CFAP46: variants seen among roughly 807,000 people sequenced by gnomAD.
CFAP46 encodes cilia and flagella associated protein 46, also known as cilia- and flagella-associated protein 46.
In CFAP46, 245 loss-of-function variants were observed where a neutral mutation model predicts 325.7. The observed-to-expected ratio is 0.75, with a 90% CI of 0.68 to 0.84. The LOEUF (loss-of-function observed/expected upper bound fraction) is 0.84. Ranked by LOEUF, CFAP46 falls within the 40% of genes least tolerant of loss-of-function variation. CFAP46 has a pLI of 0.00. For synonymous variants in CFAP46, 1,523 were observed against 1,495.9 expected, an observed-to-expected ratio of 1.02 and a Z score of -0.42; for missense variants, 3,346 against 3,543.0, an observed-to-expected ratio of 0.94 and a Z score of 1.41.
At position 132,899,075 on chromosome 10, in the gene CFAP46, G is replaced by C. The variant is rs765721540; in HGVS notation, c.3103C>G (p.Arg1035Gly). Residue 1035 changes from arginine (R) to glycine (G), a missense_variant, in exon 24 of 58, where the codon CGG becomes GGG. Coordinates refer to ENST00000368586, the MANE Select transcript of CFAP46 (RefSeq NM_001200049.3). ...GSSALVMLAA[R>G]HYWNAWLPLL... ...GGGAGCCAGGCGTTCCAGTAATGCCGCGCGGCCAGCATCACCAGGGCGCTG... is the reference window on the plus strand; with the variant it reads ...GGGAGCCAGGCGTTCCAGTAATGCCCCGCGGCCAGCATCACCAGGGCGCTG... The C allele has an allele frequency of 1.5e-5, 23 of 1,550,444 alleles. No homozygotes were observed. Among genetic ancestry groups the C allele is most frequent in the Non-Finnish European group, 1.9e-5 (22 of 1,146,968 alleles).
intron 55 of CFAP46, among the ~76,000 whole-genome samples, chr10:132,812,090 G>A (rs1847591938): frequency 1.3e-5 from 2 of 152,208 alleles, no homozygotes; most frequent in Admixed American, 6.5e-5. Context: ...GGGTGGCCTC[G>A]GCACAAGGCT....
chr10:132,935,294 C>G (rs1849975970), intron 7 of CFAP46, among the ~76,000 whole-genome samples: 1 of 139,874 alleles, frequency 7.1e-6, no homozygotes, highest in African/African-American at 3.1e-5. Flanking sequence ...CTCCCCTGAG[C>G]ACCCAAACAC....
In CFAP46 at chr10:132,889,873, G is replaced by A. The variant is rs377382382; in HGVS notation, c.3304+2460C>T. On this transcript the variant is annotated intron_variant, in intron 25 of 57. Coordinates refer to ENST00000368586, the MANE Select transcript of CFAP46 (RefSeq NM_001200049.3). This position sits in a 1 kb window ranked among gnomAD's most constrained non-coding sequence, Gnocchi z 6.0. The stretch of plus-strand genomic sequence containing the variant: ...TCCCGCCTGATTAAAGTATTGATGC[G>A]GCCTGGACGCTAAGCATTTAGCTGC... Among the ~76,000 whole-genome samples the A allele has an allele frequency of 1.8e-4, 28 of 152,268 alleles. No homozygotes were observed. Among genetic ancestry groups the A allele is most frequent in the African/African-American group, 6.3e-4 (26 of 41,556 alleles).
chr10:132,922,429 C>T (rs1849738481), intron 12 of CFAP46, 51 bp downstream of exon 12: 4 of 1,498,802 alleles, frequency 2.7e-6, no homozygotes, highest in African/African-American at 1.4e-5. Flanking sequence ...CCGCCCCGGC[C>T]CCATGCTGGG....
chr10:132,912,550 TCTC>T (rs1219587595), intron 19 of CFAP46, 102 bp downstream of exon 19: 1 of 1,111,738 alleles, frequency 9.0e-7, no homozygotes, highest in African/African-American at 1.7e-5. Flanking sequence ...CCTCTCTCTC[TCTC>T]TTCACCTCTC....
rs1019559491 is a variant in CFAP46 at position 132,860,908 on chromosome 10, A to T, written c.4965T>A (p.Tyr1655Ter). The T allele has an allele frequency of 1.1e-5, 17 of 1,550,626 alleles. No homozygotes were observed. The highest frequency in any genetic ancestry group is 7.8e-5 in the Admixed American group (4 of 50,992). ...GTGCGATCATTTTCTTGGCTTGTCC[A>T]TAGTTTTTCTCCTTGTTGGCCAACT... ...LAQLANKEKN[Y>*]GQAKKMIAQA... is the part of the protein sequence containing the mutation. The change falls in exon 36 of 58, where the codon TAT becomes TAA. Residue 1655 changes from tyrosine to a stop codon, truncating the protein, a stop_gained. Transcript: ENST00000368586. LOFTEE classifies it high-confidence loss of function.
At chr10:132,890,595 G>A (rs1591075791) in intron 25 of CFAP46, among the ~76,000 whole-genome samples, 2 of 152,100 alleles carry the variant, frequency 1.3e-5, no homozygotes, top group Non-Finnish European at 2.9e-5. Context: ...AAGACCCTGC[G>A]CTCTTCCACA....
rs1200433509 is a variant in CFAP46, at chr10:132,869,419, G to A, written c.4512-47C>T. 9 of 1,409,754 alleles carry A rather than the reference G, an allele frequency of 6.4e-6. No individual in the cohort carries two copies. In the Admixed American group the frequency reaches 1.8e-4, roughly 28 times the overall value. 87.3% of individuals were successfully genotyped at this position (1,409,754 alleles called of 1,614,324 possible). On this transcript the variant is annotated intron_variant, in intron 32 of 57. Coordinates refer to ENST00000368586, the MANE Select transcript of CFAP46 (RefSeq NM_001200049.3). This position sits in a 1 kb window ranked among gnomAD's most constrained non-coding sequence, Gnocchi z 6.2. ...GAGTCAGTGTTGCACGGGCGCAGAG[G>A]GAGCCAGAAACGAAGCTACTAGTGT...
chr10:132,921,962 C>T (rs1346281556), intron 13 of CFAP46, 142 bp downstream of exon 13: 16 of 1,107,018 alleles, frequency 1.4e-5, no homozygotes, highest in East Asian at 2.7e-5. Flanking sequence ...GGGCCGAGAT[C>T]GAAGGACACT....
rs1260025940 is a variant in CFAP46 at position 132,877,399 on chromosome 10, G to A, written c.4213-438C>T. Among the ~76,000 whole-genome samples, 1 of 152,194 alleles carries A rather than the reference G, an allele frequency of 6.6e-6. No individual in the cohort carries two copies. Among genetic ancestry groups the A allele is most frequent in the African/African-American group, 2.4e-5 (1 of 41,446 alleles). On this transcript the variant is annotated intron_variant, in intron 30 of 57. Coordinates refer to ENST00000368586, the MANE Select transcript of CFAP46 (RefSeq NM_001200049.3). This position sits in a 1 kb window ranked among gnomAD's most constrained non-coding sequence, Gnocchi z 5.7. ...CCAAGTGGTTTCTCAGACCTGCCCA[G>A]CACTTTGAGAAGTGGATACTTGCAG...
At chr10:132,810,677 AG>A (rs1348587856) in intron 56 of CFAP46, 188 bp from the exon 57 acceptor site, 1 of 735,250 alleles carries the variant, frequency 1.4e-6, no homozygotes, top group African/African-American at 1.7e-5. Context: ...CAGGCTCAGC[AG>A]GATGGCCGCC....
At chr10:132,922,008 G>A (rs773543991) in intron 13 of CFAP46, 96 bp downstream of exon 13, 11 of 1,407,018 alleles carry the variant, frequency 7.8e-6, no homozygotes, top group Admixed American at 2.6e-5. Flanking sequence ...AGGGGGCGGT[G>A]GCAGGGAGCA....
chr10:132,832,544 T>C lies in CFAP46; in HGVS notation c.7117+814A>G. ...CCTCATTTCATGTGCTTTTCTCTGG[T>C]TTTTATTTGTCTCAGCTGGAAGAAC... On this transcript the variant is annotated intron_variant, in intron 50 of 57. Coordinates refer to ENST00000368586, the MANE Select transcript of CFAP46 (RefSeq NM_001200049.3). This position sits in a 1 kb window ranked among gnomAD's most constrained non-coding sequence, Gnocchi z 4.1. 1 of 330,566 alleles carries C rather than the reference T, an allele frequency of 3.0e-6. No homozygotes were observed. Among genetic ancestry groups the C allele is most frequent in the South Asian group, 2.3e-5 (1 of 44,260 alleles). The allele number at this position is 330,566 out of a possible 1,614,324, so 20.5% of individuals were successfully genotyped here.
At chr10:132,826,049 G>A (rs1232514467) in intron 50 of CFAP46, among the ~76,000 whole-genome samples, 4 of 133,860 alleles carry the variant, frequency 3.0e-5, no homozygotes, top group South Asian at 2.6e-4. Flanking sequence ...CCAGGCAGGA[G>A]CCGTAGCCAC....
intron 25 of CFAP46, among the ~76,000 whole-genome samples, chr10:132,887,158 CTCTCTCT>C (rs555098809): frequency 0.11 from 5,204 of 46,332 alleles, 656 homozygotes; most frequent in African/African-American, 0.38. Context: ...TCTCTCTCTC[CTCTCTCT>C]TCTTTCCTCT....
Position 132,857,784 on chromosome 10 carries a change from G to A in CFAP46, c.5380C>T (p.Arg1794Cys), listed in dbSNP as rs1309126120. The change falls in exon 39 of 58, where the codon CGT (arginine) becomes TGT (cysteine). Residue 1794 changes from arginine (R) to cysteine (C), a missense_variant. Arg to Cys is a radical substitution (Grantham distance 180). Transcript: ENST00000368586. ...TCTTCATCTTTCTCGTTCTGGGCACGTAACCTTTATAAGACATAAGAATGG... is the reference window on the plus strand; with the variant it reads ...TCTTCATCTTTCTCGTTCTGGGCACATAACCTTTATAAGACATAAGAATGG... ...KLERAKIKRL[R>C]AQNEKDEEQK... 63 of 1,539,074 alleles carry A rather than the reference G, an allele frequency of 4.1e-5. No homozygotes were observed. Among genetic ancestry groups the A allele is most frequent in the South Asian group, 1.8e-4 (15 of 82,650 alleles).
At chr10:132,835,740 C>T (rs982892643) in intron 46 of CFAP46, among the ~76,000 whole-genome samples, 1 of 152,036 alleles carries the variant, frequency 6.6e-6, no homozygotes, top group African/African-American at 2.4e-5. Context: ...AGAGGCCACA[C>T]CCCTGGGACC....
rs764783923 is a variant in CFAP46, at chr10:132,937,672, T to C, written c.540A>G (p.Glu180=). Residue 180 remains glutamate (E), a synonymous_variant, in exon 6 of 58, where the codon GAA becomes GAG. Transcript: ENST00000368586. ...CGGCTTGCAGATAACACTCCAGAAG[T>C]TCCCTGGATAATAGAAACACACCAC... The part of the protein sequence containing the change: ...DKEWRAELML[E]LLECYLQAGR... 10 of 1,602,870 alleles carry C rather than the reference T, an allele frequency of 6.2e-6. No individual in the cohort carries two copies. Among genetic ancestry groups the C allele is most frequent in the Non-Finnish European group, 8.5e-6 (10 of 1,174,512 alleles).
chr10:132,860,717 C>A, intron 36 of CFAP46, 65 bp downstream of exon 36: 3 of 1,514,336 alleles, frequency 2.0e-6, no homozygotes, highest in South Asian at 1.2e-5. Flanking sequence ...CATGGACGCC[C>A]TTCCTCTCCA....
Sources: allele counts gnomAD v4.1 joint callset (sites outside exome capture counted in the v4.1 genomes callset), GRCh38; gene constraint gnomAD v4.1.1; non-coding constraint Gnocchi (gnomAD v3.1); transcripts MANE v1.5; gene names NCBI Gene and HGNC (gene_info 2026-07-23, HGNC 2026-07-21).